Variants in PLCE1 observed in about 807,000 individuals in gnomAD.
PLCE1 encodes 1-phosphatidylinositol 4,5-bisphosphate phosphodiesterase epsilon-1.
A neutral mutation model predicts 242.8 loss-of-function variants in PLCE1; 119 were observed. That is an observed-to-expected ratio of 0.49 (90% CI 0.42 to 0.57). PLCE1 has a LOEUF of 0.57. Among genes scored for constraint, PLCE1 ranks in the 20% least tolerant of loss-of-function variants. PLCE1 has a pLI of 0.00. For synonymous variants in PLCE1, 945 were observed against 1,017.4 expected (o/e 0.93, Z 1.35); for missense variants, 2,441 against 2,788.8 (o/e 0.88, Z 2.81).
chr10:94,168,377 G>A (rs1376529948), intron 3 of PLCE1, among the ~76,000 whole-genome samples: 2 of 152,184 alleles, frequency 1.3e-5, no homozygotes. Flanking sequence ...GATGTTTTTT[G>A]TGGTACACAA....
intron 3 of PLCE1, among the ~76,000 whole-genome samples, chr10:94,149,368 T>A (rs1225159706): frequency 6.6e-6 from 1 of 152,244 alleles, no homozygotes; most frequent in Non-Finnish European, 1.5e-5. Context: ...CTAACCCAAA[T>A]GCCATTTCTC....
intron 18 of PLCE1, 138 bp downstream of exon 18, chr10:94,270,740 G>T: frequency 1.4e-6 from 1 of 732,146 alleles, no homozygotes; most frequent in South Asian, 1.4e-5. Flanking sequence ...TGCAGTCTTG[G>T]CTCACTGCAA....
In PLCE1 at chr10:94,252,509, A is replaced by G. The variant is rs772271504; in HGVS notation, c.3279+11A>G. The G allele has an allele frequency of 5.0e-6, 8 of 1,606,496 alleles. No individual in the cohort carries two copies. The highest frequency in any genetic ancestry group is 6.8e-6 in the Non-Finnish European group (8 of 1,175,328). ...AAAATCCTCATGAGGGTAGAGTGTT[A>G]TTTGTTTATTAAGCATTAAACCCAT... On this transcript the variant is annotated intron_variant, in intron 9 of 32. Transcript: ENST00000371380.
intron 2 of PLCE1, among the ~76,000 whole-genome samples, chr10:94,051,871 A>G (rs1416048469): frequency 6.6e-6 from 1 of 152,194 alleles, no homozygotes; most frequent in Non-Finnish European, 1.5e-5. Context: ...TAAAATTATA[A>G]AAGTAATACA....
intron 1 of PLCE1, among the ~76,000 whole-genome samples, chr10:94,007,667 G>A (rs1232772609): frequency 8.1e-6 from 1 of 123,016 alleles, no homozygotes; most frequent in East Asian, 2.5e-4. Context: ...TAGGTTAAAA[G>A]CCCCCTGTTA....
At chr10:94,062,596 T>TTG in intron 2 of PLCE1, among the ~76,000 whole-genome samples, 1 of 115,924 alleles carries the variant, frequency 8.6e-6, no homozygotes, top group African/African-American at 5.9e-5. Context: ...TTTTTTTTGT[T>TTG]TTGTTTTGTT....
At chr10:94,064,036 G>T (rs901485596) in intron 2 of PLCE1, among the ~76,000 whole-genome samples, 6 of 152,012 alleles carry the variant, frequency 3.9e-5, no homozygotes, top group Non-Finnish European at 8.8e-5. Flanking sequence ...GGTGGACTGG[G>T]GTCAGGTCTA....
intron 3 of PLCE1, chr10:94,138,614 AT>A (rs2046860334): frequency 3.4e-5 from 14 of 409,432 alleles, no homozygotes; most frequent in South Asian, 2.7e-4. Flanking sequence ...AGTGTGTGGA[AT>A]TTGTTATGAG....
intron 3 of PLCE1, among the ~76,000 whole-genome samples, chr10:94,170,931 T>C (rs1311439676): frequency 5.3e-5 from 8 of 152,154 alleles, no homozygotes; most frequent in Non-Finnish European, 1.0e-4. Context: ...TTAATGCTGC[T>C]GCTGAAAATG....
chr10:94,206,783 C>A (rs1241096549), intron 4 of PLCE1, among the ~76,000 whole-genome samples: 2 of 152,152 alleles, frequency 1.3e-5, no homozygotes, highest in African/African-American at 4.8e-5. Flanking sequence ...TTTTCCCCAG[C>A]CTCTCTTTAT....
chr10:94,026,304 A>G (rs1228950880), intron 1 of PLCE1, among the ~76,000 whole-genome samples: 4 of 152,110 alleles, frequency 2.6e-5, no homozygotes, highest in African/African-American at 9.7e-5. Context: ...CATATTACCT[A>G]TCCCCAAATA....
At chr10:94,316,988 C>T (rs936597176) in intron 29 of PLCE1, among the ~76,000 whole-genome samples, 7 of 152,236 alleles carry the variant, frequency 4.6e-5, no homozygotes, top group African/African-American at 7.2e-5. Flanking sequence ...TGGTGGCTCA[C>T]GCCTGTAATC....
intron 2 of PLCE1, among the ~76,000 whole-genome samples, chr10:94,116,419 G>T (rs2046130675): frequency 6.6e-6 from 1 of 152,248 alleles, no homozygotes; most frequent in Non-Finnish European, 1.5e-5. Context: ...GAATGGCAGG[G>T]CATGGTGGCT....
intron 7 of PLCE1, 23 bp downstream of exon 7, chr10:94,236,143 G>T: frequency 6.3e-7 from 1 of 1,589,656 alleles, no homozygotes; most frequent in Non-Finnish European, 8.6e-7. Context: ...CGTTAAAAGT[G>T]AGGAATGCTC....
At chr10:94,078,004 C>T (rs1176877327) in intron 2 of PLCE1, among the ~76,000 whole-genome samples, 1 of 152,146 alleles carries the variant, frequency 6.6e-6, no homozygotes, top group Non-Finnish European at 1.5e-5. Context: ...GATTTGGTGG[C>T]AAAACCTTAG....
At position 94,168,122 on chromosome 10, in the gene PLCE1, G is replaced by A. The variant is rs79303081; in HGVS notation, c.1493-3058G>A. ...TTATGAACTTTGCTTCATGGATCAT[G>A]AGGAAGGACCAGGGGTCCTAGAGCT... On this transcript the variant is annotated intron_variant, in intron 3 of 32. Transcript: ENST00000371380. 4.2e-3 allele frequency among the ~76,000 whole-genome samples: 636 copies of A among 152,288 alleles called. 9 individuals are homozygous for A. Among genetic ancestry groups the A allele is most frequent in the Admixed American group, 0.02 (307 of 15,294 alleles).
At chr10:94,091,525 G>A (rs1001632724) in intron 2 of PLCE1, among the ~76,000 whole-genome samples, 1 of 152,140 alleles carries the variant, frequency 6.6e-6, no homozygotes. Flanking sequence ...ATAGTCTACA[G>A]TACCTAAGAG....
intron 14 of PLCE1, among the ~76,000 whole-genome samples, chr10:94,264,411 C>T (rs139434974): frequency 2.6e-5 from 4 of 151,966 alleles, no homozygotes; most frequent in African/African-American, 9.6e-5. Context: ...GTGCAAGGGC[C>T]CAATCATCCG....
intron 3 of PLCE1, chr10:94,139,580 A>T (rs979568256): frequency 6.6e-6 from 1 of 152,252 alleles, no homozygotes; most frequent in African/African-American, 2.4e-5. Flanking sequence ...TCTCTAGACT[A>T]TTAGTAAATT....
Sources: allele counts gnomAD v4.1 joint callset (sites outside exome capture counted in the v4.1 genomes callset), GRCh38; gene constraint gnomAD v4.1.1; transcripts MANE v1.5; gene names NCBI Gene and HGNC (gene_info 2026-07-23, HGNC 2026-07-21).